Variants in MEIG1 observed in about 807,000 individuals in gnomAD.
MEIG1 encodes meiosis/spermiogenesis associated 1, also known as meiosis expressed gene 1 protein homolog.
In MEIG1, 12 loss-of-function variants were observed where a neutral mutation model predicts 11.3. That is an observed-to-expected ratio of 1.07 (90% confidence interval 0.68 to 1.73). The LOEUF (loss-of-function observed/expected upper bound fraction) is 1.73, where lower values mean the gene tolerates loss of function less well. Ranked by LOEUF, MEIG1 falls within the 40% of genes most tolerant of loss-of-function variation. MEIG1 has a pLI of 0.00. For synonymous variants in MEIG1, 41 were observed against 33.2 expected (o/e 1.24, Z -0.81); for missense variants, 119 against 104.9 (o/e 1.13, Z -0.59).
intron 1 of MEIG1, among the ~76,000 whole-genome samples, chr10:14,960,609 G>T (rs1167201681): frequency 1.3e-5 from 2 of 151,890 alleles, no homozygotes; most frequent in African/African-American, 4.8e-5. Context: ...TAGTAGAGAC[G>T]GGGTTTCACT....
At chr10:14,977,556 A>T (rs1209028823), downstream of MEIG1, among the ~76,000 whole-genome samples, 1 of 151,768 alleles carries the variant, frequency 6.6e-6, no homozygotes, top group Non-Finnish European at 1.5e-5. Context: ...ATAGAGAGAT[A>T]TTACTTTAAA....
intron 1 of MEIG1, among the ~76,000 whole-genome samples, chr10:14,985,320 A>G (rs920866112): frequency 1.9e-4 from 29 of 151,916 alleles, no homozygotes; most frequent in African/African-American, 6.8e-4. Context: ...TAATGTCACA[A>G]TGCCTGTACA....
chr10:14,978,190 T>C (rs745896213), intron 1 of MEIG1, among the ~76,000 whole-genome samples: 16 of 151,982 alleles, frequency 1.1e-4, no homozygotes, highest in Admixed American at 3.9e-4. Context: ...CAGGGAATGT[T>C]ACTTTGAATG....
intron 2 of MEIG1, among the ~76,000 whole-genome samples, chr10:14,969,904 T>C (rs139625348): frequency 6.6e-6 from 1 of 152,310 alleles, no homozygotes; most frequent in East Asian, 1.9e-4. Context: ...CTCATCATCT[T>C]AGATTCTAAA....
At chr10:14,985,054 A>T (rs750726216) in intron 1 of MEIG1, among the ~76,000 whole-genome samples, 5 of 151,758 alleles carry the variant, frequency 3.3e-5, no homozygotes, top group Admixed American at 1.3e-4. Flanking sequence ...GTTACTACTG[A>T]TGTCCCAATG....
chr10:14,956,524 C>T (rs1372059383), upstream of MEIG1, among the ~76,000 whole-genome samples: 1 of 152,136 alleles, frequency 6.6e-6, no homozygotes, highest in Non-Finnish European at 1.5e-5. Context: ...GGAAATTGCA[C>T]TGAGCCGAGA....
At chr10:14,964,366 T>G (rs529853491) in intron 1 of MEIG1, among the ~76,000 whole-genome samples, 6 of 151,770 alleles carry the variant, frequency 4.0e-5, no homozygotes, top group Non-Finnish European at 7.4e-5. Flanking sequence ...CCATTTCCTA[T>G]TTTTCCTCTA....
downstream of MEIG1, among the ~76,000 whole-genome samples, chr10:14,976,062 A>C (rs1368404490): frequency 2.0e-5 from 3 of 152,120 alleles, no homozygotes; most frequent in South Asian, 2.1e-4. Flanking sequence ...CCGGGGGGTG[A>C]TATTACTCCC....
intron 1 of MEIG1, among the ~76,000 whole-genome samples, chr10:14,964,895 G>A (rs1176799529): frequency 6.6e-6 from 1 of 151,094 alleles, no homozygotes; most frequent in African/African-American, 2.4e-5. Context: ...TCAAGTGATT[G>A]TCATGCCTCA....
intron 2 of MEIG1, chr10:14,987,345 G>A (rs1193421947): frequency 2.5e-6 from 2 of 797,184 alleles, no homozygotes; most frequent in Non-Finnish European, 4.5e-6. Context: ...GACAGGGACA[G>A]GGACAGGGAC....
chr10:14,977,922 A>T (rs1201517571), intron 1 of MEIG1, among the ~76,000 whole-genome samples: 4 of 151,944 alleles, frequency 2.6e-5, no homozygotes, highest in African/African-American at 9.7e-5. Flanking sequence ...GTTGCTGCTA[A>T]TATCACAGAG....
At chr10:14,966,679 C>T (rs1484543203) in intron 2 of MEIG1, 73 bp downstream of exon 2, 4 of 1,394,344 alleles carry the variant, frequency 2.9e-6, no homozygotes, top group Non-Finnish European at 3.9e-6. Context: ...TTATAAACAA[C>T]CAGAGAATAA....
chr10:14,977,451 T>A (rs1364093225), downstream of MEIG1, among the ~76,000 whole-genome samples: 2 of 151,998 alleles, frequency 1.3e-5, no homozygotes. Flanking sequence ...GTTACAGGGA[T>A]GTACACCGTG....
chr10:14,958,943 A>G (rs1842978934), upstream of MEIG1, among the ~76,000 whole-genome samples: 1 of 152,152 alleles, frequency 6.6e-6, no homozygotes, highest in Non-Finnish European at 1.5e-5. Flanking sequence ...CTTGAATCTG[A>G]TCACTTTTCG....
downstream of MEIG1, among the ~76,000 whole-genome samples, chr10:14,974,476 T>C (rs1970512): frequency 0.68 from 102,744 of 151,902 alleles, 34,985 homozygotes; most frequent in African/African-American, 0.7. Context: ...GCCTCTCCAC[T>C]ACGTGACCAT....
At chr10:14,983,778 A>T (rs547857839) in intron 1 of MEIG1, among the ~76,000 whole-genome samples, 33 of 152,038 alleles carry the variant, frequency 2.2e-4, no homozygotes, top group African/African-American at 6.0e-4. Context: ...ATATCCCCCC[A>T]GTGATACGGT....
chr10:14,985,646 G>C (rs11259417), intron 1 of MEIG1, among the ~76,000 whole-genome samples: 1 of 151,998 alleles, frequency 6.6e-6, no homozygotes, highest in Non-Finnish European at 1.5e-5. Context: ...AATAGCCTAG[G>C]AGGATGTTTG....
At chr10:14,985,322 G>A (rs986691474) in intron 1 of MEIG1, among the ~76,000 whole-genome samples, 23 of 151,926 alleles carry the variant, frequency 1.5e-4, no homozygotes, top group Non-Finnish European at 1.2e-4. Context: ...ATGTCACAAT[G>A]CCTGTACACC....
chr10:14,979,313 G>A (rs557961683), intron 1 of MEIG1, among the ~76,000 whole-genome samples: 8 of 151,672 alleles, frequency 5.3e-5, no homozygotes, highest in South Asian at 2.1e-4. Context: ...ATACTTTAGC[G>A]GGATGATACT....
Sources: gnomAD v4.1 joint callset for allele counts (sites outside exome capture counted in the v4.1 genomes callset) on GRCh38, gnomAD v4.1.1 for gene constraint, MANE v1.5 for transcripts, NCBI Gene and HGNC (gene_info 2026-07-23, HGNC 2026-07-21) for gene names.